GCN1: variants seen among roughly 807,000 people sequenced by gnomAD.
GCN1 encodes the protein stalled ribosome sensor GCN1.
GCN1 carries 90 observed loss-of-function variants against 288.4 expected under a neutral mutation model. The ratio of observed to expected loss-of-function variants is 0.31; its 90% CI spans 0.26 to 0.37. The LOEUF is 0.37. Among genes scored for constraint, GCN1 ranks in the 10% least tolerant of loss-of-function variants. The pLI is 1.00. For synonymous variants in GCN1, 1,386 were observed against 1,420.2 expected (o/e 0.98, Z 0.54); for missense variants, 2,586 against 3,419.9 (o/e 0.76, Z 6.08).
rs1877804203 is a variant in GCN1, at chr12:120,157,944, C to A, written c.2992G>T (p.Glu998Ter). The A allele has an allele frequency of 6.2e-7, 1 of 1,613,968 alleles. No homozygotes were observed. Among genetic ancestry groups the A allele is most frequent in the Admixed American group, 1.7e-5 (1 of 60,018 alleles). The change falls in exon 26 of 58, where the codon GAG becomes TAG. Residue 998 changes from glutamate to a stop codon, truncating the protein, a stop_gained. Coordinates refer to ENST00000300648, the MANE Select transcript of GCN1 (RefSeq NM_006836.2). LOFTEE classifies it high-confidence loss of function. ...VLTEMPHHSE[E>*]EEEWMAQILQ... ...ATCTGGGCCATCCACTCCTCCTCCT[C>A]CTCACTGTGGTGGGGCATCTCCGTC...
Position 120,134,589 on chromosome 12 carries a change from G to A in GCN1, c.7146C>T (p.Asp2382=), listed in dbSNP as rs1285740447. Residue 2382 remains aspartate, a synonymous_variant, in exon 52 of 58, where the codon GAC becomes GAT. Transcript: ENST00000300648. The surrounding 1 kb of genome is among the most constrained non-coding windows in gnomAD (Gnocchi z 5.0). ...GKLISIHIKV[D]PLFTELLNGI... ...CATTGAGCAGCTCTGTGAAGAGGGG[G>A]TCCACCTTAATGTGGATGGAAATGA... is the stretch of plus-strand genomic sequence containing the variant. 3.7e-6 allele frequency: 6 copies of A among 1,614,004 alleles called. No homozygotes were observed. In the African/African-American group the frequency reaches 4.0e-5, roughly 11 times the overall value.
intron 56 of GCN1, among the ~76,000 whole-genome samples, chr12:120,129,950 C>T (rs989848315): frequency 2.0e-5 from 3 of 152,184 alleles, no homozygotes; most frequent in Non-Finnish European, 4.4e-5. Context: ...AGTGAACAAG[C>T]GGGTGCAGGC....
rs767665673 is a variant in GCN1 at position 120,144,663 on chromosome 12, C to T, written c.5328G>A (p.Gly1776=). Reference sequence around the variant, plus strand: ...CTTTGAGGATACAGGGGATGATGGGCCCCACATAAGGAGTAAACTTGTCTC... The same window carrying T: ...CTTTGAGGATACAGGGGATGATGGGTCCCACATAAGGAGTAAACTTGTCTC... ...TFGDKFTPYV[G]PIIPCILKAL... The change falls in exon 41 of 58, where the codon GGG becomes GGA. Residue 1776 remains glycine (G), a synonymous_variant. Transcript: ENST00000300648. The surrounding 1 kb of genome is among the most constrained non-coding windows in gnomAD (Gnocchi z 4.7). 1 of 1,613,932 alleles carries T rather than the reference C, an allele frequency of 6.2e-7. No homozygotes were observed. Among genetic ancestry groups the T allele is most frequent in the Non-Finnish European group, 8.5e-7 (1 of 1,179,796 alleles).
At chr12:120,170,406 G>T in intron 14 of GCN1, 85 bp from the exon 15 acceptor site, 2 of 1,206,350 alleles carry the variant, frequency 1.7e-6, no homozygotes, top group Non-Finnish European at 2.4e-6. Context: ...AACCAGCTGT[G>T]AACCAGACGA....
Position 120,153,449 on chromosome 12 carries a change from G to A in GCN1, c.3868-42C>T. 1.4e-5 allele frequency: 22 copies of A among 1,547,924 alleles called. No individual in the cohort carries two copies. The highest frequency in any genetic ancestry group is 1.2e-4 in the African/African-American group (9 of 73,922). ...CTCAGAGCCTCAGGTCAACCCTACA[G>A]GCTGCATCTGGGGACAACAGTCCCT... On this transcript the variant is annotated intron_variant, in intron 32 of 57. Coordinates refer to ENST00000300648, the MANE Select transcript of GCN1 (RefSeq NM_006836.2). This position sits in a 1 kb window ranked among gnomAD's most constrained non-coding sequence, Gnocchi z 4.4.
Position 120,162,990 on chromosome 12 carries a change from C to CT in GCN1, c.2039-20dup, listed in dbSNP as rs1477156923. Reference sequence around the variant, plus strand: ...ACGGCAACTGAAGGGGAAGGGAGCTCTTTGAGGCCTTCTGCCTGGCCTGCT... The same window carrying CT: ...ACGGCAACTGAAGGGGAAGGGAGCTCTTTTGAGGCCTTCTGCCTGGCCTGCT... On this transcript the variant is annotated intron_variant, in intron 19 of 57. Transcript: ENST00000300648. The CT allele has an allele frequency of 1.9e-6, 3 of 1,614,152 alleles. No homozygotes were observed. The highest frequency in any genetic ancestry group is 2.2e-5 in the South Asian group (2 of 91,080).
Position 120,151,383 on chromosome 12 carries a change from C to T in GCN1, c.4071G>A (p.Glu1357=). The T allele has an allele frequency of 6.2e-7, 1 of 1,613,518 alleles. No homozygotes were observed. Among genetic ancestry groups the T allele is most frequent in the Non-Finnish European group, 8.5e-7 (1 of 1,179,992 alleles). The change falls in exon 34 of 58, where the codon GAG becomes GAA. Residue 1357 remains glutamate (E), a synonymous_variant. Transcript: ENST00000300648. ...ALSTPSQQVQ[E]SVASCLPPLV... Reference sequence around the variant, plus strand: ...GGGGTGGCAAGCAGCTGGCTACGGACTCCTGGACCTGGGGAAGGGCCCACC... The same window carrying T: ...GGGGTGGCAAGCAGCTGGCTACGGATTCCTGGACCTGGGGAAGGGCCCACC...
chr12:120,160,997 G>A (rs1327950147), intron 22 of GCN1, among the ~76,000 whole-genome samples: 1 of 152,208 alleles, frequency 6.6e-6, no homozygotes, highest in African/African-American at 2.4e-5. Flanking sequence ...AGATGAGAAA[G>A]ACAAGAAGAA....
chr12:120,172,476 C>A (rs9630281), intron 14 of GCN1, among the ~76,000 whole-genome samples: 2 of 152,078 alleles, frequency 1.3e-5, no homozygotes, highest in East Asian at 3.9e-4. Context: ...AGAAGGGGGT[C>A]CCCTCCCAAG....
chr12:120,138,991 TAACTC>T, intron 45 of GCN1, 135 bp from the exon 46 acceptor site: 1 of 698,088 alleles, frequency 1.4e-6, no homozygotes, highest in African/African-American at 1.8e-5. Flanking sequence ...TCTTTTAACT[TAACTC>T]TTTACTGTGA....
Position 120,156,367 on chromosome 12 carries a change from G to A in GCN1, c.3312+94C>T. The stretch of plus-strand genomic sequence containing the variant: ...CTCTTTGCCTCTAGGCCTCCCACCA[G>A]AGTGAGGGACATTCTCTCAAATGCC... On this transcript the variant is annotated intron_variant, in intron 28 of 57. Coordinates refer to ENST00000300648, the MANE Select transcript of GCN1 (RefSeq NM_006836.2). This position sits in a 1 kb window ranked among gnomAD's most constrained non-coding sequence, Gnocchi z 5.8. 1 of 1,261,202 alleles carries A rather than the reference G, an allele frequency of 7.9e-7. No homozygotes were observed. The highest frequency in any genetic ancestry group is 2.3e-5 in the East Asian group (1 of 42,574). 78.1% of individuals were successfully genotyped at this position (1,261,202 alleles called of 1,614,324 possible).
chr12:120,133,767 T>A (rs185456566), intron 53 of GCN1, among the ~76,000 whole-genome samples: 5 of 152,332 alleles, frequency 3.3e-5, no homozygotes, highest in East Asian at 1.9e-4. Context: ...ACTTGCCTCA[T>A]CTATAAAATA....
chr12:120,190,624 C>T (rs12812927), intron 1 of GCN1, among the ~76,000 whole-genome samples: 151 of 152,288 alleles, frequency 9.9e-4, no homozygotes, highest in Admixed American at 1.8e-3. Context: ...ACCTTCCCCA[C>T]CCGCCCCAGT....
At position 120,147,084 on chromosome 12, in the gene GCN1, T is replaced by A; in HGVS notation, c.4915A>T (p.Ile1639Phe). 6.3e-7 allele frequency: 1 copy of A among 1,591,074 alleles called. No homozygotes were observed. Among genetic ancestry groups the A allele is most frequent in the East Asian group, 2.2e-5 (1 of 44,462 alleles). The change falls in exon 38 of 58, where the codon ATT becomes TTT. Residue 1639 changes from isoleucine (I) to phenylalanine (F), a missense_variant. Ile to Phe is a conservative substitution (Grantham distance 21). Coordinates refer to ENST00000300648, the MANE Select transcript of GCN1 (RefSeq NM_006836.2). The part of the protein sequence containing the change: ...TDTRKMAAQI[I>F]GNMYSLTDQK... ...TCTGTCAGGGAGTACATGTTGCCAA[T>A]AATCTGGGCTGCCATCTTCCGCGTG...
In GCN1 at chr12:120,174,156, G is replaced by T; in HGVS notation, c.1107C>A (p.Val369=). The change falls in exon 13 of 58, where the codon GTC becomes GTA. Residue 369 remains valine, a synonymous_variant. Coordinates refer to ENST00000300648, the MANE Select transcript of GCN1 (RefSeq NM_006836.2). ...AAGGTCCAGACACCACGTGATGACT[G>T]ACGCTCCCAATCCCTAAAAGGCAGA... is the stretch of plus-strand genomic sequence containing the variant. ...KMSVLSGIGS[V]SHHVVSGPSS... is the part of the protein sequence containing the mutation. 6.3e-7 allele frequency: 1 copy of T among 1,592,282 alleles called. No homozygotes were observed. The highest frequency in any genetic ancestry group is 1.1e-5 in the South Asian group (1 of 90,610).
intron 51 of GCN1, among the ~76,000 whole-genome samples, chr12:120,136,269 G>C (rs147146421): frequency 1.3e-5 from 2 of 152,310 alleles, no homozygotes; most frequent in Non-Finnish European, 1.5e-5. Context: ...TTGTAGGTGA[G>C]GAAACAGGCT....
intron 38 of GCN1, among the ~76,000 whole-genome samples, chr12:120,146,386 T>C (rs990526723): frequency 6.6e-6 from 1 of 152,056 alleles, no homozygotes; most frequent in Non-Finnish European, 1.5e-5. Flanking sequence ...GGTCTTGCTC[T>C]GTCACCCCAG....
At chr12:120,183,252 G>A (rs1300423962) in intron 5 of GCN1, among the ~76,000 whole-genome samples, 1 of 152,096 alleles carries the variant, frequency 6.6e-6, no homozygotes, top group South Asian at 2.1e-4. Context: ...CTTGATTTTT[G>A]GCTGTCTTCC....
At chr12:120,143,447 T>C (rs1877260860) in intron 42 of GCN1, among the ~76,000 whole-genome samples, 1 of 152,178 alleles carries the variant, frequency 6.6e-6, no homozygotes, top group Non-Finnish European at 1.5e-5. Context: ...CCAGGCGTGC[T>C]GGCAGGTGCC....
Sources: allele counts gnomAD v4.1 joint callset (sites outside exome capture counted in the v4.1 genomes callset), GRCh38; gene constraint gnomAD v4.1.1; non-coding constraint Gnocchi (gnomAD v3.1); transcripts MANE v1.5; gene names NCBI Gene and HGNC (gene_info 2026-07-23, HGNC 2026-07-21).